Variants in DAB1 observed in about 807,000 individuals in gnomAD.
DAB1 encodes disabled homolog 1.
Under a neutral mutation model 64.6 loss-of-function variants are expected in DAB1, and 15 were observed. The observed-to-expected ratio is 0.23, with a 90% CI of 0.16 to 0.36. The LOEUF (loss-of-function observed/expected upper bound fraction) is 0.36, where lower values mean the gene tolerates loss of function less well. Among genes scored for constraint, DAB1 ranks in the 10% least tolerant of loss-of-function variants. DAB1 has a pLI of 1.00. For synonymous variants in DAB1, 235 were observed against 251.9 expected (o/e 0.93, Z 0.64); for missense variants, 596 against 706.7 (o/e 0.84, Z 1.78).
chr1:57,581,664 C>T (rs1045511088), intron 7 of DAB1, among the ~76,000 whole-genome samples: 8 of 148,446 alleles, frequency 5.4e-5, no homozygotes, highest in Non-Finnish European at 8.9e-5. Flanking sequence ...TAATATGGTC[C>T]TATATACCAC....
chr1:57,825,207 G>A (rs1652291407), downstream of DAB1, among the ~76,000 whole-genome samples: 1 of 151,888 alleles, frequency 6.6e-6, no homozygotes, highest in Non-Finnish European at 1.5e-5. Flanking sequence ...CTGAGTCAGA[G>A]TTTAGGGCCC....
intron 2 of DAB1, among the ~76,000 whole-genome samples, chr1:57,161,034 C>T (rs557292921): frequency 6.6e-6 from 1 of 152,232 alleles, no homozygotes; most frequent in African/African-American, 2.4e-5. Flanking sequence ...ACTCCTCCAG[C>T]GGTTCTGATT....
At chr1:57,082,634 T>A (rs1455966220) in intron 4 of DAB1, among the ~76,000 whole-genome samples, 1 of 152,110 alleles carries the variant, frequency 6.6e-6, no homozygotes, top group Non-Finnish European at 1.5e-5. Flanking sequence ...ATCACCTAGG[T>A]ATTAAGCCCA....
chr1:57,674,445 A>G (rs1254344408), intron 6 of DAB1, among the ~76,000 whole-genome samples: 2 of 152,262 alleles, frequency 1.3e-5, no homozygotes, highest in African/African-American at 4.8e-5. Flanking sequence ...TGTTTCTTGC[A>G]TCTTATTTAC....
intron 6 of DAB1, among the ~76,000 whole-genome samples, chr1:57,685,169 G>A (rs376626417): frequency 9.2e-4 from 140 of 151,708 alleles, no homozygotes; most frequent in African/African-American, 1.6e-3. Context: ...AGCCAGGATG[G>A]TCTCCATCTC....
At chr1:57,714,162 G>A (rs1371029529) in intron 6 of DAB1, among the ~76,000 whole-genome samples, 3 of 122,954 alleles carry the variant, frequency 2.4e-5, no homozygotes, top group African/African-American at 1.3e-4. Context: ...GCCAGCTCCT[G>A]TTTTATGTAA....
At chr1:58,332,327 T>C (rs548432451) in intron 4 of DAB1, among the ~76,000 whole-genome samples, 1 of 152,264 alleles carries the variant, frequency 6.6e-6, no homozygotes, top group Admixed American at 6.5e-5. Context: ...CCATTCTTGA[T>C]ATATATTTTT....
chr1:57,879,796 T>G (rs1644113558), intron 1 of DAB1, among the ~76,000 whole-genome samples: 1 of 152,128 alleles, frequency 6.6e-6, no homozygotes, highest in Non-Finnish European at 1.5e-5. Flanking sequence ...CCTGCTGCAG[T>G]TAAGAGCTTC....
rs1415100299 is a variant in DAB1 at position 57,942,121 on chromosome 1, G to T, written n.388-57959C>A. Among the ~76,000 whole-genome samples, 3 of 152,316 alleles carry T rather than the reference G, an allele frequency of 2.0e-5. No homozygotes were observed. In the East Asian group the frequency reaches 5.8e-4, roughly 29 times the overall value. On this transcript the variant is annotated intron_variant and non_coding_transcript_variant, in intron 5 of 20. Coordinates refer to the DAB1 transcript ENST00000485760. Reference sequence around the variant, plus strand: ...CTGGCTCCCAGGATGCTCTGGGCCAGCTTCGATCTAAGTGAGGAGTGGACC... The same window carrying T: ...CTGGCTCCCAGGATGCTCTGGGCCATCTTCGATCTAAGTGAGGAGTGGACC...
At chr1:58,370,374 C>CGTGTGT (rs67230027) in intron 3 of DAB1, among the ~76,000 whole-genome samples, 41 of 144,560 alleles carry the variant, frequency 2.8e-4, no homozygotes, top group African/African-American at 5.6e-4. Context: ...TGAGTGTGTG[C>CGTGTGT]GTGTGTGTGT....
chr1:58,414,279 T>C (rs1644696540), intron 3 of DAB1, among the ~76,000 whole-genome samples: 1 of 152,164 alleles, frequency 6.6e-6, no homozygotes, highest in South Asian at 2.1e-4. Flanking sequence ...CATCCTCACC[T>C]AACTCATCCT....
intron 5 of DAB1, among the ~76,000 whole-genome samples, chr1:57,918,098 T>TAAAC (rs1371387948): frequency 6.7e-6 from 1 of 149,790 alleles, no homozygotes; most frequent in Non-Finnish European, 1.5e-5. Context: ...AATAAATAAA[T>TAAAC]AAATAAATAT....
chr1:57,552,844 T>C (rs911026590), intron 7 of DAB1, among the ~76,000 whole-genome samples: 4 of 151,790 alleles, frequency 2.6e-5, no homozygotes, highest in Non-Finnish European at 4.4e-5. Context: ...GAATCAGAGG[T>C]GGTAAAAAGG....
intron 14 of DAB1, among the ~76,000 whole-genome samples, chr1:57,000,956 C>T (rs904679952): frequency 3.3e-5 from 5 of 152,178 alleles, no homozygotes; most frequent in East Asian, 1.9e-4. Flanking sequence ...CCTACTTGCC[C>T]GAATTTAGCT....
chr1:57,697,023 C>T (rs12032875), intron 6 of DAB1, among the ~76,000 whole-genome samples: 1 of 152,146 alleles, frequency 6.6e-6, no homozygotes, highest in African/African-American at 2.4e-5. Context: ...TCTGTGAAAT[C>T]TAACTGCACT....
At chr1:58,246,930 T>C (rs1042883799) in intron 4 of DAB1, among the ~76,000 whole-genome samples, 1 of 152,002 alleles carries the variant, frequency 6.6e-6, no homozygotes, top group Non-Finnish European at 1.5e-5. Flanking sequence ...GTGTGTTGTG[T>C]GTCACAGGAA....
intron 7 of DAB1, among the ~76,000 whole-genome samples, chr1:57,611,779 C>T (rs1645729788): frequency 6.6e-6 from 1 of 152,172 alleles, no homozygotes; most frequent in Non-Finnish European, 1.5e-5. Flanking sequence ...TCTACTCTTG[C>T]CACCCCAGCA....
chr1:58,287,618 G>C (rs531191242), intron 4 of DAB1, among the ~76,000 whole-genome samples: 29 of 152,252 alleles, frequency 1.9e-4, no homozygotes, highest in African/African-American at 7.0e-4. Context: ...GCCTCAAGGG[G>C]CCTAATCAGG....
chr1:57,382,918 T>C (rs1363438460), intron 1 of DAB1, among the ~76,000 whole-genome samples: 5 of 152,090 alleles, frequency 3.3e-5, no homozygotes, highest in East Asian at 1.9e-4. Flanking sequence ...ATTCTTTATG[T>C]TAGCAAACAG....
Sources: gnomAD v4.1 joint callset for allele counts (sites outside exome capture counted in the v4.1 genomes callset) on GRCh38, gnomAD v4.1.1 for gene constraint, MANE v1.5 for transcripts, NCBI Gene and HGNC (gene_info 2026-07-23, HGNC 2026-07-21) for gene names.